Variants in ZNF676 observed in about 807,000 individuals in gnomAD.
ZNF676 encodes the protein zinc finger protein 676.
In ZNF676, 4 loss-of-function variants were observed where a neutral mutation model predicts 6.0. The ratio of observed to expected loss-of-function variants is 0.67; its 90% CI spans 0.33 to 1.53. The LOEUF (loss-of-function observed/expected upper bound fraction) is 1.53. Ranked by LOEUF, ZNF676 falls within the 40% of genes most tolerant of loss-of-function variation. The pLI, the probability that ZNF676 is intolerant of heterozygous loss-of-function variation, is 0.06. For synonymous variants in ZNF676, 198 were observed against 223.1 expected (o/e 0.89, Z 1.00); for missense variants, 644 against 679.7 (o/e 0.95, Z 0.58).
chr19:22,226,539 A>G, the ZNF676 span, among the ~76,000 whole-genome samples: 1 of 151,516 alleles, frequency 6.6e-6, no homozygotes, highest in Non-Finnish European at 1.5e-5. Context: ...TATGTTAAAG[A>G]GTGTTTTATT....
chr19:22,227,793 T>C, the ZNF676 span, among the ~76,000 whole-genome samples: 3 of 152,138 alleles, frequency 2.0e-5, no homozygotes, highest in Non-Finnish European at 4.4e-5. Context: ...ACATACCCTC[T>C]GAAGACTAAA....
chr19:22,209,322 G>A (rs2024107808), intron 1 of ZNF676, among the ~76,000 whole-genome samples: 1 of 148,394 alleles, frequency 6.7e-6, no homozygotes, highest in African/African-American at 2.6e-5. Context: ...ATACTGTGTG[G>A]CCATTAAAAA....
chr19:22,252,436 G>GAAAAAAAAAAAAAAAAA, the ZNF676 span, among the ~76,000 whole-genome samples: 1 of 137,218 alleles, frequency 7.3e-6, no homozygotes. Flanking sequence ...AGAAAGAAAA[G>GAAAAAAAAAAAAAAAAA]AAAAAAAAAA....
At chr19:22,216,503 G>A (rs572203217), upstream of ZNF676, among the ~76,000 whole-genome samples, 1 of 152,060 alleles carries the variant, frequency 6.6e-6, no homozygotes, top group Admixed American at 6.6e-5. Context: ...TAAACCTAAT[G>A]TTAGTAAAAC....
At chr19:22,201,680 G>C (rs961011261), upstream of ZNF676, among the ~76,000 whole-genome samples, 19 of 129,956 alleles carry the variant, frequency 1.5e-4, no homozygotes, top group African/African-American at 5.5e-4. Context: ...TATTCAAGTT[G>C]CCTGGAATCT....
chr19:22,256,977 C>A, the ZNF676 span, among the ~76,000 whole-genome samples: 17 of 152,204 alleles, frequency 1.1e-4, no homozygotes, highest in African/African-American at 3.9e-4. Context: ...CACAATCCCT[C>A]CTTGGGCAGA....
chr19:22,193,337 G>A (rs1341716835), intron 1 of ZNF676, among the ~76,000 whole-genome samples: 1 of 152,142 alleles, frequency 6.6e-6, no homozygotes. Context: ...TTCTTCAGAA[G>A]GTTATTGCGC....
intron 2 of ZNF676, among the ~76,000 whole-genome samples, chr19:22,188,991 T>G (rs936253565): frequency 2.0e-5 from 3 of 150,830 alleles, no homozygotes; most frequent in Non-Finnish European, 2.9e-5. Context: ...TTCACAGAAT[T>G]AGAAAAAACT....
At chr19:22,249,468 A>G in the ZNF676 span, among the ~76,000 whole-genome samples, 1 of 152,144 alleles carries the variant, frequency 6.6e-6, no homozygotes, top group Non-Finnish European at 1.5e-5. Flanking sequence ...GCTGGAGTGC[A>G]GTGGCGCAAT....
At chr19:22,241,830 G>A in the ZNF676 span, among the ~76,000 whole-genome samples, 2 of 151,828 alleles carry the variant, frequency 1.3e-5, no homozygotes, top group South Asian at 4.1e-4. Context: ...TTGTGGTCAG[G>A]TGTTTACATA....
rs746324688 is a variant in ZNF676 at position 22,181,045 on chromosome 19, GGGTTTCTCTCC to G, written c.661_671del (p.Gly221LeufsTer4). 6.4e-7 allele frequency: 1 copy of G among 1,570,972 alleles called. No individual in the cohort carries two copies. The highest frequency in any genetic ancestry group is 8.7e-7 in the Non-Finnish European group (1 of 1,151,522). Reference sequence around the variant, plus strand: ...CTTTGCCACATTCTTCACATTTGTAGGGTTTCTCTCCAGTATGAATTACCTTATGTTTAGTA... The same window carrying G: ...CTTTGCCACATTCTTCACATTTGTAGAGTATGAATTACCTTATGTTTAGTA... On this transcript the variant is annotated frameshift_variant, in exon 3 of 3. Transcript: ENST00000397121. LOFTEE classifies it low-confidence loss of function (END_TRUNC).
At position 22,179,863 on chromosome 19, in the gene ZNF676, C is replaced by T; in HGVS notation, c.*87G>A. The stretch of plus-strand genomic sequence containing the variant: ...TTTAAAAGCTTTGCCACATTCTTCA[C>T]CTTTGTAGATTTTCTCTCCAGTATG... On this transcript the variant is annotated 3_prime_UTR_variant, in exon 3 of 3. Coordinates refer to ENST00000397121, the MANE Select transcript of ZNF676 (RefSeq NM_001001411.3). 6.9e-7 allele frequency: 1 copy of T among 1,439,988 alleles called. No individual in the cohort carries two copies. The highest frequency in any genetic ancestry group is 9.7e-7 in the Non-Finnish European group (1 of 1,033,262). 89.2% of individuals were successfully genotyped at this position (1,439,988 alleles called of 1,614,324 possible). A position where few individuals can be genotyped will look rare whatever the true frequency, so the allele number is the denominator to read the frequency against.
the ZNF676 span, among the ~76,000 whole-genome samples, chr19:22,238,427 T>C: frequency 6.6e-6 from 1 of 152,094 alleles, no homozygotes; most frequent in South Asian, 2.1e-4. Context: ...ATGCATTTAT[T>C]TTACATAACT....
chr19:22,214,369 C>T (rs2024161939), intron 1 of ZNF676, among the ~76,000 whole-genome samples: 1 of 152,238 alleles, frequency 6.6e-6, no homozygotes, highest in African/African-American at 2.4e-5. Context: ...AATCCCAGCA[C>T]TTTGGGAGGC....
rs542107695 is a variant in ZNF676 at position 22,186,230 on chromosome 19, A to G, written c.131-4644T>C. The stretch of plus-strand genomic sequence containing the variant: ...GAAGACTGGGGGGCCAATATTCAAC[A>G]TTCTTAAAGATAGGAATTTTCAACC... On this transcript the variant is annotated intron_variant, in intron 2 of 2. Coordinates refer to ENST00000397121, the MANE Select transcript of ZNF676 (RefSeq NM_001001411.3). Among the ~76,000 whole-genome samples the G allele has an allele frequency of 3.9e-5, 6 of 152,322 alleles. No individual in the cohort carries two copies. In the South Asian group the frequency reaches 6.2e-4, roughly 16 times the overall value.
intron 1 of ZNF676, among the ~76,000 whole-genome samples, chr19:22,211,095 CTTTT>C (rs35954273): frequency 6.9e-6 from 1 of 145,388 alleles, no homozygotes; most frequent in Non-Finnish European, 1.5e-5. Flanking sequence ...CTTTGGAATT[CTTTT>C]TTTTTTTTTA....
In ZNF676 at chr19:22,196,780, T is replaced by C; in HGVS notation, c.-147A>G. On this transcript the variant is annotated 5_prime_UTR_variant, in exon 1 of 3. Transcript: ENST00000397121. ...TACCAATTGGTCATGGGCAGAACTT[T>C]TAATGTGACTCAAGGTAAAATGGAG... 1.4e-6 allele frequency: 2 copies of C among 1,464,672 alleles called. No homozygotes were observed. Among genetic ancestry groups the C allele is most frequent in the Non-Finnish European group, 1.9e-6 (2 of 1,055,706 alleles). 90.7% of individuals were successfully genotyped at this position (1,464,672 alleles called of 1,614,324 possible). A position where few individuals can be genotyped will look rare whatever the true frequency, so the allele number is the denominator to read the frequency against.
intron 1 of ZNF676, among the ~76,000 whole-genome samples, chr19:22,214,617 A>T (rs996496083): frequency 1.5e-3 from 225 of 149,324 alleles, no homozygotes; most frequent in Admixed American, 2.1e-3. Flanking sequence ...AAAAAAAAAA[A>T]ATCTAATTCA....
the ZNF676 span, among the ~76,000 whole-genome samples, chr19:22,258,632 G>T: frequency 6.6e-6 from 1 of 152,068 alleles, no homozygotes; most frequent in Non-Finnish European, 1.5e-5. Flanking sequence ...ACATCACCTG[G>T]GTGTTACACT....
Sources: allele counts gnomAD v4.1 joint callset (sites outside exome capture counted in the v4.1 genomes callset), GRCh38; gene constraint gnomAD v4.1.1; transcripts MANE v1.5; gene names NCBI Gene and HGNC (gene_info 2026-07-23, HGNC 2026-07-21).